The following KHDRBS2 variants were observed in gnomAD, a reference collection of about 807,000 sequenced individuals.
KHDRBS2 encodes the protein KH domain-containing, RNA-binding, signal transduction-associated protein 2.
A neutral mutation model predicts 44.3 loss-of-function variants in KHDRBS2; 26 were observed. The ratio of observed to expected loss-of-function variants is 0.59; its 90% confidence interval spans 0.43 to 0.81. The LOEUF (loss-of-function observed/expected upper bound fraction) is 0.81. Among genes scored for constraint, KHDRBS2 ranks in the 40% least tolerant of loss-of-function variants. The pLI, the probability that KHDRBS2 is intolerant of heterozygous loss-of-function variation, is 0.00. For missense variants in KHDRBS2, 476 were observed against 433.1 expected (o/e 1.10, Z -0.88); for synonymous variants, 194 against 151.1 (o/e 1.28, Z -2.08).
chr6:61,745,157 G>A (rs17253576), intron 6 of KHDRBS2, among the ~76,000 whole-genome samples: 57,766 of 151,838 alleles, frequency 0.38, 12,117 homozygotes, highest in African/African-American at 0.57. Flanking sequence ...ACAACTTGGC[G>A]CTTGGTGGGG....
chr6:61,594,641 G>A, the KHDRBS2 span, among the ~76,000 whole-genome samples: 1 of 151,944 alleles, frequency 6.6e-6, no homozygotes, highest in Non-Finnish European at 1.5e-5. Context: ...ATACAATTTT[G>A]GAACACATTT....
intron 1 of KHDRBS2, among the ~76,000 whole-genome samples, chr6:62,266,998 C>G (rs1402851973): frequency 6.6e-6 from 1 of 151,900 alleles, no homozygotes; most frequent in African/African-American, 2.4e-5. Context: ...AGTAGTAGTA[C>G]AAGTAAGTTT....
chr6:61,977,198 A>C (rs1772852940), intron 4 of KHDRBS2, among the ~76,000 whole-genome samples: 1 of 152,058 alleles, frequency 6.6e-6, no homozygotes, highest in Non-Finnish European at 1.5e-5. Flanking sequence ...CAGTTTCTTC[A>C]TTGTGCAGAT....
chr6:61,710,602 TC>T, intron 7 of KHDRBS2, among the ~76,000 whole-genome samples: 1 of 151,410 alleles, frequency 6.6e-6, no homozygotes, highest in African/African-American at 2.4e-5. Flanking sequence ...ACTATGGTAA[TC>T]TTTTTCTACA....
the KHDRBS2 span, among the ~76,000 whole-genome samples, chr6:61,672,531 T>C: frequency 6.6e-6 from 1 of 151,974 alleles, no homozygotes; most frequent in Non-Finnish European, 1.5e-5. Context: ...TTTCAATGAT[T>C]GCCATTCTAA....
In KHDRBS2 at chr6:61,978,278, G is replaced by C. The variant is rs1178785578; in HGVS notation, c.337-66C>G. Reference sequence around the variant, plus strand: ...TTTACATTGATTTAACATTTACTGAGAATATGACAAAGGTGTATAATTTAA... The same window carrying C: ...TTTACATTGATTTAACATTTACTGACAATATGACAAAGGTGTATAATTTAA... On this transcript the variant is annotated intron_variant, in intron 3 of 8. Coordinates refer to ENST00000281156, the MANE Select transcript of KHDRBS2 (RefSeq NM_152688.4). 5 of 1,284,250 alleles carry C rather than the reference G, an allele frequency of 3.9e-6. No individual in the cohort carries two copies. The Admixed American group carries it at 9.3e-5, about 24-fold the overall frequency. The allele number at this position is 1,284,250 out of a possible 1,614,324, so 79.6% of individuals were successfully genotyped here. A position where few individuals can be genotyped will look rare whatever the true frequency, so the allele number is the denominator to read the frequency against.
At chr6:62,112,722 C>T (rs1337868657) in intron 2 of KHDRBS2, among the ~76,000 whole-genome samples, 1 of 152,046 alleles carries the variant, frequency 6.6e-6, no homozygotes, top group Non-Finnish European at 1.5e-5. Context: ...CTGAAATGTA[C>T]CACTTTGTGG....
At chr6:61,700,623 G>A (rs1247061671) in intron 7 of KHDRBS2, among the ~76,000 whole-genome samples, 1 of 151,588 alleles carries the variant, frequency 6.6e-6, no homozygotes, top group African/African-American at 2.4e-5. Context: ...TCAGCTAGAT[G>A]TGCCCTCGTG....
chr6:62,209,973 C>T (rs1241595857), intron 1 of KHDRBS2, among the ~76,000 whole-genome samples: 4 of 152,120 alleles, frequency 2.6e-5, no homozygotes, highest in African/African-American at 9.7e-5. Context: ...TTCCTTGATC[C>T]TCAGCTTGTG....
In KHDRBS2 at chr6:61,713,658, AG is replaced by A. The variant is rs757977499; in HGVS notation, c.894-16406del. Reference sequence around the variant, plus strand: ...GATTCCATATGAATCTCAAGCATATAGTAAGCAAACAGCATGGGACTTGTAT... The same window carrying A: ...GATTCCATATGAATCTCAAGCATATATAAGCAAACAGCATGGGACTTGTAT... On this transcript the variant is annotated intron_variant, in intron 7 of 8. Transcript: ENST00000281156. Among the ~76,000 whole-genome samples the A allele has an allele frequency of 4.2e-4, 63 of 151,012 alleles. 1 individual carries two copies. Among genetic ancestry groups the A allele is most frequent in the Middle Eastern group, 3.4e-3 (1 of 294 alleles).
chr6:61,863,280 T>C (rs1797296847), intron 6 of KHDRBS2, among the ~76,000 whole-genome samples: 1 of 151,458 alleles, frequency 6.6e-6, no homozygotes, highest in African/African-American at 2.4e-5. Context: ...TTTTTGTCTT[T>C]CAATCTCCTT....
chr6:61,569,168 A>T, the KHDRBS2 span, among the ~76,000 whole-genome samples: 1 of 151,962 alleles, frequency 6.6e-6, no homozygotes, highest in African/African-American at 2.4e-5. Flanking sequence ...GGCAGCCAAA[A>T]TCCCCTCTGG....
chr6:62,084,414 T>G (rs1296247401), intron 2 of KHDRBS2, among the ~76,000 whole-genome samples: 1 of 151,994 alleles, frequency 6.6e-6, no homozygotes, highest in Non-Finnish European at 1.5e-5. Context: ...CATTTCTGAG[T>G]GGAATAAAGA....
intron 2 of KHDRBS2, among the ~76,000 whole-genome samples, chr6:62,092,686 A>G (rs1799705741): frequency 6.6e-6 from 1 of 152,272 alleles, no homozygotes; most frequent in Middle Eastern, 3.4e-3. Flanking sequence ...AATGACCTTT[A>G]TTTTCATCAA....
chr6:62,243,473 C>A (rs1324823696), intron 1 of KHDRBS2, among the ~76,000 whole-genome samples: 1 of 151,874 alleles, frequency 6.6e-6, no homozygotes, highest in Non-Finnish European at 1.5e-5. Context: ...GGCTTGTAAG[C>A]CAATTACAGA....
At chr6:62,048,681 G>T (rs1788291022) in intron 2 of KHDRBS2, among the ~76,000 whole-genome samples, 1 of 151,814 alleles carries the variant, frequency 6.6e-6, no homozygotes, top group African/African-American at 2.4e-5. Flanking sequence ...AAATTCTGGG[G>T]TTCCACATAA....
At chr6:61,575,480 A>G in the KHDRBS2 span, among the ~76,000 whole-genome samples, 5 of 152,228 alleles carry the variant, frequency 3.3e-5, no homozygotes, top group African/African-American at 1.2e-4. Flanking sequence ...GTAAATGGTA[A>G]AAAGCAAACA....
chr6:62,177,699 G>A (rs905511477), intron 1 of KHDRBS2, among the ~76,000 whole-genome samples: 3 of 150,944 alleles, frequency 2.0e-5, no homozygotes, highest in Non-Finnish European at 4.5e-5. Context: ...ACATTTTAAG[G>A]ATATATGCTT....
intron 8 of KHDRBS2, among the ~76,000 whole-genome samples, chr6:61,694,748 C>T (rs1474768): frequency 0.41 from 62,013 of 151,820 alleles, 13,071 homozygotes; most frequent in Middle Eastern, 0.51. Context: ...TGCCTTTGAC[C>T]CCTTCCTTCC....
Sources: allele counts gnomAD v4.1 joint callset (sites outside exome capture counted in the v4.1 genomes callset), GRCh38; gene constraint gnomAD v4.1.1; transcripts MANE v1.5; gene names NCBI Gene and HGNC (gene_info 2026-07-23, HGNC 2026-07-21).